Variants in PTPRQ observed in about 807,000 individuals in gnomAD.
The protein encoded by PTPRQ is phosphatidylinositol phosphatase PTPRQ.
Under a neutral mutation model 246.0 loss-of-function variants are expected in PTPRQ, and 199 were observed. The observed-to-expected ratio is 0.81, with a 90% CI of 0.72 to 0.91. The LOEUF (loss-of-function observed/expected upper bound fraction) is 0.91, where lower values mean the gene tolerates loss of function less well. Among genes scored for constraint, PTPRQ ranks in the 40% least tolerant of loss-of-function variants. The pLI is 0.00. For missense variants in PTPRQ, 2,624 were observed against 2,528.4 expected (o/e 1.04, Z -0.81); for synonymous variants, 869 against 853.2 (o/e 1.02, Z -0.32).
intron 5 of PTPRQ, 140 bp from the exon 6 acceptor site, chr12:80,460,513 T>C (rs1201251366): frequency 2.6e-6 from 1 of 392,090 alleles, no homozygotes; most frequent in African/African-American, 2.1e-5. Context: ...AATTAAAATC[T>C]AGCAAATTTG....
At chr12:80,631,262 T>G (rs974731431) in intron 33 of PTPRQ, among the ~76,000 whole-genome samples, 1 of 152,158 alleles carries the variant, frequency 6.6e-6, no homozygotes, top group Non-Finnish European at 1.5e-5. Flanking sequence ...GTACTGGGCT[T>G]GATACCTGGT....
intron 12 of PTPRQ, 68 bp from the exon 13 acceptor site, chr12:80,495,930 TA>T: frequency 6.7e-7 from 1 of 1,495,882 alleles, no homozygotes; most frequent in Non-Finnish European, 8.9e-7. Context: ...ACTGGCCTTA[TA>T]TTAAATGGCA....
chr12:80,497,923 A>G (rs1894678702), intron 14 of PTPRQ, among the ~76,000 whole-genome samples: 1 of 152,068 alleles, frequency 6.6e-6, no homozygotes, highest in Non-Finnish European at 1.5e-5. Context: ...CTTGACCTTG[A>G]GGATCTAGAA....
chr12:80,454,414 G>T (rs1347308871), intron 3 of PTPRQ: 3 of 369,190 alleles, frequency 8.1e-6, no homozygotes, highest in East Asian at 4.1e-5. Flanking sequence ...CTAGTGAGAT[G>T]AACCCGGTAC....
At chr12:80,618,925 TG>T (rs1898869835) in intron 30 of PTPRQ, among the ~76,000 whole-genome samples, 1 of 151,362 alleles carries the variant, frequency 6.6e-6, no homozygotes. Flanking sequence ...TATGTGAACA[TG>T]GAAAAAAATA....
chr12:80,554,818 C>T (rs532317707), intron 25 of PTPRQ, among the ~76,000 whole-genome samples: 1 of 152,284 alleles, frequency 6.6e-6, no homozygotes, highest in Non-Finnish European at 1.5e-5. Context: ...TCTCAGCTCA[C>T]TGTAGCCTTA....
At chr12:80,575,188 G>A (rs1374733837) in intron 25 of PTPRQ, among the ~76,000 whole-genome samples, 2 of 152,188 alleles carry the variant, frequency 1.3e-5, no homozygotes, top group Non-Finnish European at 2.9e-5. Context: ...GAACACTTTA[G>A]TGTATAATAG....
At chr12:80,446,880 G>A (rs534990822) in intron 3 of PTPRQ, among the ~76,000 whole-genome samples, 22 of 152,080 alleles carry the variant, frequency 1.4e-4, no homozygotes, top group Admixed American at 5.9e-4. Flanking sequence ...TAATAAACAT[G>A]AGTGATGGTG....
Position 80,645,006 on chromosome 12 carries a change from T to A in PTPRQ, c.5916-3891T>A, listed in dbSNP as rs910981625. 3.9e-5 allele frequency among the ~76,000 whole-genome samples: 6 copies of A among 152,198 alleles called. No individual in the cohort carries two copies. The South Asian group carries it at 1.2e-3, about 31-fold the overall frequency. On this transcript the variant is annotated intron_variant, in intron 35 of 44. Coordinates refer to ENST00000644991, the MANE Select transcript of PTPRQ (RefSeq NM_001145026.2). ...AACTCACAAATGATTGTGACATAAG[T>A]ACAGACTAGAAAATTACATAAAAAC...
At chr12:80,460,217 G>A (rs186611449) in intron 5 of PTPRQ, among the ~76,000 whole-genome samples, 31 of 151,962 alleles carry the variant, frequency 2.0e-4, no homozygotes, top group South Asian at 8.3e-4. Context: ...TCTAATACAC[G>A]CACACACCTA....
chr12:80,450,569 TGA>T (rs1428474189), intron 3 of PTPRQ, among the ~76,000 whole-genome samples: 1 of 151,996 alleles, frequency 6.6e-6, no homozygotes, highest in Non-Finnish European at 1.5e-5. Flanking sequence ...CCTAATTTAT[TGA>T]GAGTTTTTAG....
rs950484961 is a variant in PTPRQ at position 80,549,318 on chromosome 12, T to C, written c.4016-147T>C. 1.2e-5 allele frequency: 12 copies of C among 993,428 alleles called. No individual in the cohort carries two copies. In the African/African-American group the frequency reaches 1.5e-4, roughly 12 times the overall value. The allele number at this position is 993,428 out of a possible 1,614,324, so 61.5% of individuals were successfully genotyped here. A position where few individuals can be genotyped will look rare whatever the true frequency, so the allele number is the denominator to read the frequency against. ...AGCCTTTTGATTCTGTCTATGTTAA[T>C]GACTTTTTAAGCACACATTGAAAAT... On this transcript the variant is annotated intron_variant, in intron 24 of 44. Coordinates refer to ENST00000644991, the MANE Select transcript of PTPRQ (RefSeq NM_001145026.2).
chr12:80,505,169 A>G (rs369286438), intron 14 of PTPRQ, among the ~76,000 whole-genome samples: 12 of 152,052 alleles, frequency 7.9e-5, no homozygotes, highest in African/African-American at 2.9e-4. Flanking sequence ...ATGCAAAGGC[A>G]CCAGGATTAA....
chr12:80,544,000 T>G (rs2120847838), intron 23 of PTPRQ, among the ~76,000 whole-genome samples: 1 of 152,224 alleles, frequency 6.6e-6, no homozygotes, highest in Non-Finnish European at 1.5e-5. Flanking sequence ...GTAATCGCAT[T>G]CCTAGGATAA....
At chr12:80,601,836 A>AT (rs1301596253) in intron 26 of PTPRQ, among the ~76,000 whole-genome samples, 3 of 151,910 alleles carry the variant, frequency 2.0e-5, no homozygotes, top group East Asian at 3.9e-4. Context: ...TCTGTTATGT[A>AT]TAATTACCTA....
Position 80,495,310 on chromosome 12 carries a change from G to C in PTPRQ, c.1821G>C (p.Met607Ile), listed in dbSNP as rs1894579913. 6.5e-7 allele frequency: 1 copy of C among 1,544,780 alleles called. No individual in the cohort carries two copies. The highest frequency in any genetic ancestry group is 2.5e-5 in the East Asian group (1 of 40,668). ...GKITHYTIYA[M>I]ELDTNRAFQI... ...TAACTCACTATACGATTTATGCAAT[G>C]GAATTGGATACAAACAGAGCATTCC... The change falls in exon 12 of 45, where the codon ATG becomes ATC. Residue 607 changes from methionine (M) to isoleucine (I), a missense_variant. Transcript: ENST00000644991.
Position 80,673,214 on chromosome 12 carries a change from A to G in PTPRQ, c.6648A>G (p.Leu2216=). The change falls in exon 43 of 45, where the codon TTA becomes TTG. Residue 2216 remains leucine (L), a synonymous_variant. Transcript: ENST00000644991. The part of the protein sequence containing the change: ...RTGVFIALDH[L]TQHINDHDFV... Reference sequence around the variant, plus strand: ...GAGTTTTTATTGCTCTGGACCATTTAACACAACATATAAATGACCATGATT... The same window carrying G: ...GAGTTTTTATTGCTCTGGACCATTTGACACAACATATAAATGACCATGATT... 1 of 1,551,000 alleles carries G rather than the reference A, an allele frequency of 6.4e-7. No individual in the cohort carries two copies. Among genetic ancestry groups the G allele is most frequent in the African/African-American group, 1.4e-5 (1 of 73,122 alleles).
chr12:80,447,249 GTTTTTCTCC>G (rs1317086746), intron 3 of PTPRQ, among the ~76,000 whole-genome samples: 1 of 151,632 alleles, frequency 6.6e-6, no homozygotes, highest in Admixed American at 6.6e-5. Flanking sequence ...TTTTAATGGG[GTTTTTCTCC>G]TTGTATTGTT....
chr12:80,577,381 C>G (rs1592676897), intron 25 of PTPRQ, among the ~76,000 whole-genome samples: 1 of 152,134 alleles, frequency 6.6e-6, no homozygotes. Flanking sequence ...CCTTATAAAA[C>G]TATCAGATCT....
Sources: gnomAD v4.1 joint callset for allele counts (sites outside exome capture counted in the v4.1 genomes callset) on GRCh38, gnomAD v4.1.1 for gene constraint, MANE v1.5 for transcripts, NCBI Gene and HGNC (gene_info 2026-07-23, HGNC 2026-07-21) for gene names.